Variants in CAST observed in about 807,000 individuals in gnomAD.
CAST encodes MIR583 host.
Under a neutral mutation model 119.6 loss-of-function variants are expected in CAST, and 76 were observed. The observed-to-expected ratio is 0.64, with a 90% CI of 0.53 to 0.77. The LOEUF is 0.77. Ranked by LOEUF, CAST falls within the 30% of genes least tolerant of loss-of-function variation. The probability of loss-of-function intolerance (pLI) is 0.00; values close to 1 mark genes in which losing one functional copy is unlikely to be tolerated. For synonymous variants in CAST, 319 were observed against 331.6 expected (o/e 0.96, Z 0.41); for missense variants, 953 against 946.5 (o/e 1.01, Z -0.09).
At chr5:96,647,044 T>C (rs1337877533) in intron 1 of CAST, among the ~76,000 whole-genome samples, 1 of 152,204 alleles carries the variant, frequency 6.6e-6, no homozygotes, top group East Asian at 1.9e-4. Flanking sequence ...ATTATTTTTG[T>C]TTCTATAAGT....
chr5:96,662,964 C>T (rs1342006446), intron 1 of CAST: 3 of 601,112 alleles, frequency 5.0e-6, no homozygotes, highest in Non-Finnish European at 8.8e-6. Flanking sequence ...GCGGGGCCTG[C>T]GCCGGGCCCC....
chr5:96,480,151 A>T, the CAST span, among the ~76,000 whole-genome samples: 1 of 152,222 alleles, frequency 6.6e-6, no homozygotes, highest in Non-Finnish European at 1.5e-5. Context: ...AAGAAAGATG[A>T]TTCTATCTGT....
intron 1 of CAST, among the ~76,000 whole-genome samples, chr5:96,648,592 A>G (rs1435316580): frequency 6.6e-6 from 1 of 152,158 alleles, no homozygotes. Flanking sequence ...AAGTGGCAAC[A>G]TCTTTGAAGG....
At chr5:96,026,024 G>A in the CAST span, among the ~76,000 whole-genome samples, 68 of 152,140 alleles carry the variant, frequency 4.5e-4, no homozygotes, top group Non-Finnish European at 8.5e-4. Flanking sequence ...CTTAAGCCCC[G>A]GAGTTTAAGA....
intron 1 of CAST, among the ~76,000 whole-genome samples, chr5:96,653,440 G>A (rs566671649): frequency 7.9e-5 from 12 of 152,346 alleles, no homozygotes; most frequent in Admixed American, 6.5e-4. Flanking sequence ...GAGAGGAAGT[G>A]TAGTTAGTAG....
At chr5:96,771,941 A>C (rs1772533450) in intron 31 of CAST, 1 of 331,254 alleles carries the variant, frequency 3.0e-6, no homozygotes, top group South Asian at 8.4e-5. Flanking sequence ...GCTTTTAAAA[A>C]TATTAGGCCA....
chr5:96,704,436 A>G (rs1246208564), intron 3 of CAST, among the ~76,000 whole-genome samples: 2 of 152,092 alleles, frequency 1.3e-5, no homozygotes, highest in African/African-American at 4.8e-5. Flanking sequence ...AAAAGAAAGC[A>G]TTTTCTTTTC....
At chr5:96,211,257 A>G in the CAST span, among the ~76,000 whole-genome samples, 11 of 152,136 alleles carry the variant, frequency 7.2e-5, no homozygotes, top group African/African-American at 2.6e-4. Context: ...CTTTGAGGGA[A>G]AGCGTTAAAT....
At chr5:96,658,334 GA>G (rs377398407), upstream of CAST, among the ~76,000 whole-genome samples, 40 of 145,730 alleles carry the variant, frequency 2.7e-4, 1 homozygote, top group African/African-American at 5.0e-4. Flanking sequence ...AAACCAAAAA[GA>G]AAAAAAAAAG....
intron 1 of CAST, among the ~76,000 whole-genome samples, chr5:96,605,112 C>A (rs1394989917): frequency 6.6e-6 from 1 of 152,148 alleles, no homozygotes; most frequent in Admixed American, 6.5e-5. Context: ...GTTGATGATG[C>A]CACACACTGA....
the CAST span, among the ~76,000 whole-genome samples, chr5:96,336,980 G>A: frequency 1.3e-5 from 2 of 152,076 alleles, no homozygotes; most frequent in Non-Finnish European, 2.9e-5. Flanking sequence ...GAAGACCCTG[G>A]GGTAAGAGCT....
the CAST span, among the ~76,000 whole-genome samples, chr5:95,991,497 G>GTTTTTTTTTTT: frequency 3.1e-5 from 2 of 64,958 alleles, no homozygotes; most frequent in Non-Finnish European, 5.6e-5. Flanking sequence ...AACAAGTTTT[G>GTTTTTTTTTTT]TTTTTTTTTT....
chr5:96,279,201 G>A, the CAST span, among the ~76,000 whole-genome samples: 72 of 152,270 alleles, frequency 4.7e-4, no homozygotes, highest in African/African-American at 1.7e-3. Context: ...GCCTCTGTTT[G>A]CCAGGTCACA....
chr5:96,182,431 C>G, the CAST span, among the ~76,000 whole-genome samples: 5,751 of 152,276 alleles, frequency 0.038, 386 homozygotes, highest in African/African-American at 0.13. Context: ...CTTCTCTGAA[C>G]AGGTTTTTGC....
At chr5:96,146,018 AG>A in the CAST span, among the ~76,000 whole-genome samples, 7 of 152,326 alleles carry the variant, frequency 4.6e-5, no homozygotes, top group South Asian at 1.4e-3. Context: ...CTTAAAGTCT[AG>A]GCTTACTGGC....
At chr5:96,147,542 G>A in the CAST span, among the ~76,000 whole-genome samples, 1 of 152,206 alleles carries the variant, frequency 6.6e-6, no homozygotes, top group African/African-American at 2.4e-5. Context: ...GGCGGAGCTT[G>A]CAGTGAGCCG....
the CAST span, among the ~76,000 whole-genome samples, chr5:96,465,654 A>G: frequency 1.1e-4 from 17 of 152,092 alleles, no homozygotes; most frequent in Non-Finnish European, 2.4e-4. Flanking sequence ...TGTCTTTTCT[A>G]CTTTCAATAT....
chr5:96,474,861 G>A, the CAST span, among the ~76,000 whole-genome samples: 1 of 152,122 alleles, frequency 6.6e-6, no homozygotes, highest in Non-Finnish European at 1.5e-5. Context: ...ATAATGAGAT[G>A]GTGTCAACAT....
chr5:96,736,212 A>C lies in CAST; in HGVS notation c.671A>C (p.Glu224Ala). 6.2e-7 allele frequency: 1 copy of C among 1,612,790 alleles called. No individual in the cohort carries two copies. The highest frequency in any genetic ancestry group is 8.5e-7 in the Non-Finnish European group (1 of 1,179,196). Reference protein sequence around the residue: ...KKSLTPAVPVESKPDKPSGKS... With the variant: ...KKSLTPAVPVASKPDKPSGKS... ...TCATTAACCCCAGCTGTGCCAGTTG[A>C]ATCTAAACCGGATAAACCATCGGGA... Residue 224 changes from glutamate (E) to alanine (A), a missense_variant, in exon 10 of 32, where the codon GAA becomes GCA. By Grantham distance (107) the Glu-to-Ala change is moderately radical. Coordinates refer to ENST00000675179, the MANE Select transcript of CAST (RefSeq NM_001750.7).
Sources: allele counts gnomAD v4.1 joint callset (sites outside exome capture counted in the v4.1 genomes callset), GRCh38; gene constraint gnomAD v4.1.1; transcripts MANE v1.5; gene names NCBI Gene and HGNC (gene_info 2026-07-23, HGNC 2026-07-21).